Variants in TEX9 observed in about 807,000 individuals in gnomAD.
TEX9 encodes the protein testis-expressed protein 9.
Under a neutral mutation model 59.6 loss-of-function variants are expected in TEX9, and 74 were observed. The ratio of observed to expected loss-of-function variants is 1.24; its 90% CI spans 1.03 to 1.51. The LOEUF (loss-of-function observed/expected upper bound fraction) is 1.51, where lower values mean the gene tolerates loss of function less well. TEX9 is among the 40% of genes most tolerant of loss of function. The probability of loss-of-function intolerance (pLI) is 0.00; values close to 1 mark genes in which losing one functional copy is unlikely to be tolerated. For synonymous variants in TEX9, 186 were observed against 152.2 expected (o/e 1.22, Z -1.64); for missense variants, 522 against 447.8 (o/e 1.17, Z -1.49).
intron 1 of TEX9, among the ~76,000 whole-genome samples, chr15:56,247,867 C>T (rs2043899650): frequency 6.6e-6 from 1 of 152,194 alleles, no homozygotes; most frequent in Non-Finnish European, 1.5e-5. Context: ...ATCCTCTTTT[C>T]CCCTGATCAT....
intron 12 of TEX9, among the ~76,000 whole-genome samples, chr15:56,438,315 A>T (rs1287338845): frequency 6.6e-6 from 1 of 152,162 alleles, no homozygotes; most frequent in Non-Finnish European, 1.5e-5. Flanking sequence ...AGTACCACAC[A>T]TCTACAACCA....
chr15:56,325,785 A>G (rs1406150176), intron 1 of TEX9, among the ~76,000 whole-genome samples: 1 of 152,196 alleles, frequency 6.6e-6, no homozygotes, highest in Non-Finnish European at 1.5e-5. Flanking sequence ...TGGTCTGACT[A>G]TAGCCAGTAT....
At chr15:56,395,573 AT>A (rs1253940866) in intron 9 of TEX9, 2 of 152,118 alleles carry the variant, frequency 1.3e-5, no homozygotes, top group Non-Finnish European at 2.9e-5. Flanking sequence ...TGCCTGTACC[AT>A]TTTACATTCC....
At chr15:56,400,637 C>T (rs1184231938) in intron 9 of TEX9, among the ~76,000 whole-genome samples, 1 of 152,110 alleles carries the variant, frequency 6.6e-6, no homozygotes, top group African/African-American at 2.4e-5. Context: ...ACAGACAACA[C>T]CACAAAGATA....
intron 9 of TEX9, among the ~76,000 whole-genome samples, chr15:56,404,187 G>C (rs2048950873): frequency 6.6e-6 from 1 of 152,162 alleles, no homozygotes; most frequent in African/African-American, 2.4e-5. Flanking sequence ...TACCATCAGA[G>C]TGAACAGCCA....
chr15:56,398,767 G>T (rs1236202169), intron 9 of TEX9, among the ~76,000 whole-genome samples: 2 of 152,112 alleles, frequency 1.3e-5, no homozygotes, highest in Non-Finnish European at 2.9e-5. Context: ...TGTAGGGGGA[G>T]AATTTTTTTT....
downstream of TEX9, among the ~76,000 whole-genome samples, chr15:56,449,684 C>A (rs745761400): frequency 1.2e-4 from 18 of 152,196 alleles, no homozygotes; most frequent in African/African-American, 3.9e-4. Context: ...ATTCACCTAG[C>A]CCTGTAGGTT....
At chr15:56,429,408 T>C in intron 12 of TEX9, 1 of 422,276 alleles carries the variant, frequency 2.4e-6, no homozygotes, top group South Asian at 3.1e-5. Context: ...TTCTGATTTA[T>C]CAGCTCTAGT....
chr15:56,376,056 C>T (rs966353960), intron 3 of TEX9, among the ~76,000 whole-genome samples: 1 of 136,926 alleles, frequency 7.3e-6, no homozygotes, highest in Non-Finnish European at 1.5e-5. Flanking sequence ...GAACATCACA[C>T]ACTGGGGACT....
exon 9 of TEX9, chr15:56,394,715 A>T (rs376603848): frequency 1.9e-6 from 3 of 1,610,354 alleles, no homozygotes; most frequent in African/African-American, 2.7e-5. Flanking sequence ...AGAAGATTTT[A>T]TGAGACAGCA....
intron 10 of TEX9, among the ~76,000 whole-genome samples, chr15:56,424,466 G>A (rs531878543): frequency 2.8e-4 from 43 of 152,192 alleles, no homozygotes; most frequent in African/African-American, 9.9e-4. Flanking sequence ...ATTTTGGTTA[G>A]GGAGTTTTGT....
intron 2 of TEX9, among the ~76,000 whole-genome samples, chr15:56,370,026 G>C (rs914609149): frequency 1.3e-5 from 2 of 152,040 alleles, no homozygotes; most frequent in African/African-American, 2.4e-5. Context: ...TTATCAGTAA[G>C]AGCATTCTTT....
At chr15:56,403,972 A>G (rs1414257766) in intron 9 of TEX9, among the ~76,000 whole-genome samples, 6 of 152,250 alleles carry the variant, frequency 3.9e-5, no homozygotes, top group African/African-American at 1.4e-4. Context: ...ACGTTATACG[A>G]AAATTAATTC....
chr15:56,422,970 C>G (rs1202764595), intron 10 of TEX9, among the ~76,000 whole-genome samples: 3 of 152,146 alleles, frequency 2.0e-5, no homozygotes, highest in Admixed American at 2.0e-4. Context: ...AAAGTTGTAG[C>G]ATGTGTCAGA....
exon 2 of TEX9, chr15:56,365,605 C>T: frequency 1.2e-6 from 2 of 1,614,196 alleles, no homozygotes; most frequent in Non-Finnish European, 1.7e-6. Flanking sequence ...GGACTCCGTT[C>T]CCGCCACCCG....
chr15:56,333,679 A>G (rs926756725), intron 1 of TEX9, among the ~76,000 whole-genome samples: 2 of 152,176 alleles, frequency 1.3e-5, no homozygotes, highest in African/African-American at 4.8e-5. Flanking sequence ...AGCTAGAGCA[A>G]TCAGACAAGA....
intron 9 of TEX9, among the ~76,000 whole-genome samples, chr15:56,408,110 C>A (rs1393344581): frequency 2.0e-5 from 3 of 152,182 alleles, no homozygotes; most frequent in African/African-American, 7.2e-5. Flanking sequence ...AGTCCTATAT[C>A]ATTGCTCCCC....
At chr15:56,382,867 G>A (rs1234331508) in intron 3 of TEX9, among the ~76,000 whole-genome samples, 2 of 152,198 alleles carry the variant, frequency 1.3e-5, no homozygotes, top group Non-Finnish European at 2.9e-5. Flanking sequence ...ATCCTTTAGT[G>A]CCCTGGTTGG....
At chr15:56,427,836 A>T (rs2050385393) in intron 11 of TEX9, 97 bp downstream of exon 11, 2 of 902,070 alleles carry the variant, frequency 2.2e-6, no homozygotes, top group Non-Finnish European at 3.2e-6. Context: ...TGACATCTTT[A>T]CGCACTGAAC....
Sources: allele counts gnomAD v4.1 joint callset (sites outside exome capture counted in the v4.1 genomes callset), GRCh38; gene constraint gnomAD v4.1.1; transcripts MANE v1.5; gene names NCBI Gene and HGNC (gene_info 2026-07-23, HGNC 2026-07-21).